The following PALM2AKAP2 variants were observed in gnomAD, a reference collection of about 807,000 sequenced individuals.
PALM2AKAP2 encodes PALM2 and AKAP2 fusion, also known as PALM2-AKAP2 fusion protein.
PALM2AKAP2 carries 37 observed loss-of-function variants against 71.5 expected under a neutral mutation model. That is an observed-to-expected ratio of 0.52 (90% CI 0.40 to 0.68). PALM2AKAP2 has a LOEUF of 0.68. PALM2AKAP2 is among the 30% of genes least tolerant of loss of function. The pLI is 0.00. For missense variants in PALM2AKAP2, 1,224 were observed against 1,191.8 expected (o/e 1.03, Z -0.40); for synonymous variants, 468 against 478.8 (o/e 0.98, Z 0.29).
chr9:110,104,030 GT>G (rs1835059002), intron 1 of PALM2AKAP2, among the ~76,000 whole-genome samples: 1 of 152,182 alleles, frequency 6.6e-6, no homozygotes, highest in South Asian at 2.1e-4. Flanking sequence ...CCAGTCAAGG[GT>G]TTGCCTCCAG....
chr9:109,711,963 T>C (rs758770846), intron 1 of PALM2AKAP2, among the ~76,000 whole-genome samples: 2 of 151,562 alleles, frequency 1.3e-5, no homozygotes, highest in Non-Finnish European at 2.9e-5. Context: ...GAGCTATCCT[T>C]GTGGCATGTG....
At chr9:109,944,746 C>T (rs577814790) in intron 6 of PALM2AKAP2, 1 of 152,084 alleles carries the variant, frequency 6.6e-6, no homozygotes, top group South Asian at 2.1e-4. Context: ...ACACAATGAA[C>T]AGTTTTTGAA....
chr9:110,037,783 G>A (rs963858530), intron 7 of PALM2AKAP2, among the ~76,000 whole-genome samples: 2 of 152,200 alleles, frequency 1.3e-5, no homozygotes, highest in African/African-American at 4.8e-5. Context: ...GTTTTGAGAG[G>A]AAATTAAGAA....
At chr9:109,684,299 T>G (rs1827778083) in intron 1 of PALM2AKAP2, among the ~76,000 whole-genome samples, 1 of 152,164 alleles carries the variant, frequency 6.6e-6, no homozygotes, top group Non-Finnish European at 1.5e-5. Flanking sequence ...GTGGTGCTCA[T>G]CTCTGGCTAT....
chr9:109,868,074 A>G (rs1299984700), intron 2 of PALM2AKAP2, among the ~76,000 whole-genome samples: 2 of 152,192 alleles, frequency 1.3e-5, no homozygotes, highest in Non-Finnish European at 1.5e-5. Context: ...TTATTCATTT[A>G]TTTTATTTGT....
intron 1 of PALM2AKAP2, among the ~76,000 whole-genome samples, chr9:109,801,927 GAGGGGTGA>G (rs1827441510): frequency 6.6e-6 from 1 of 152,196 alleles, no homozygotes; most frequent in Non-Finnish European, 1.5e-5. Context: ...GGACCATGGG[GAGGGGTGA>G]TCCCCCCAAA....
At chr9:110,011,780 G>A (rs560113684) in intron 6 of PALM2AKAP2, among the ~76,000 whole-genome samples, 46 of 152,126 alleles carry the variant, frequency 3.0e-4, no homozygotes, top group Admixed American at 8.5e-4. Context: ...GTCCTCCTTC[G>A]ACTCCACATT....
chr9:109,813,076 G>T lies in PALM2AKAP2; in HGVS notation c.45+32543G>T, dbSNP rs79386525. Among the ~76,000 whole-genome samples the T allele has an allele frequency of 4.4e-3, 665 of 152,352 alleles. 4 individuals carry two copies. Among genetic ancestry groups the T allele is most frequent in the African/African-American group, 0.015 (629 of 41,578 alleles). ...GATTTTTAAAAATGATTGCAGGTCT[G>T]CACAATTTAACAAGACTGCCCATAG... is the stretch of plus-strand genomic sequence containing the variant. On this transcript the variant is annotated intron_variant, in intron 1 of 9. Transcript: ENST00000302798.
chr9:110,153,797 T>C (rs1031991569), intron 2 of PALM2AKAP2, among the ~76,000 whole-genome samples: 6 of 152,222 alleles, frequency 3.9e-5, no homozygotes, highest in African/African-American at 1.2e-4. Context: ...TATAGCTTAA[T>C]TGAGAAGACA....
chr9:110,081,618 G>C lies in PALM2AKAP2; in HGVS notation c.156+32763G>C, dbSNP rs570867862. Among the ~76,000 whole-genome samples, 11 of 152,208 alleles carry C rather than the reference G, an allele frequency of 7.2e-5. No homozygotes were observed. The South Asian group carries it at 2.3e-3, about 32-fold the overall frequency. On this transcript the variant is annotated intron_variant, in intron 1 of 3. Transcript: ENST00000374525. ...GGGCTAAAAGAATTCTTAGAGGTGA[G>C]CCAGTCGAGGCCCCAGCACCCGCTT...
chr9:110,157,589 G>C (rs1836491114), intron 3 of PALM2AKAP2, among the ~76,000 whole-genome samples: 2 of 152,032 alleles, frequency 1.3e-5, no homozygotes, highest in South Asian at 4.2e-4. Flanking sequence ...TTGTAGAAAG[G>C]AGGTCTCATT....
intron 3 of PALM2AKAP2, among the ~76,000 whole-genome samples, chr9:109,884,962 GA>G (rs1422359485): frequency 1.3e-5 from 2 of 152,188 alleles, no homozygotes; most frequent in African/African-American, 4.8e-5. Flanking sequence ...TCATAACTCA[GA>G]ACTTCAAGTG....
rs563760217 is a variant in PALM2AKAP2, at chr9:109,747,452, T to A, written c.6-33036T>A. ...CTTGGGGTTCCTGTCTTGGCATTCA[T>A]GCAGAATTTGATATAAAATTATATA... is the stretch of plus-strand genomic sequence containing the variant. On this transcript the variant is annotated intron_variant, in intron 1 of 6. Transcript: ENST00000374531. Among the ~76,000 whole-genome samples, 212 of 152,316 alleles carry A rather than the reference T, an allele frequency of 1.4e-3. 1 individual carries two copies. Among genetic ancestry groups the A allele is most frequent in the African/African-American group, 4.8e-3 (200 of 41,580 alleles).
intron 3 of PALM2AKAP2, among the ~76,000 whole-genome samples, chr9:110,166,426 C>T (rs1032044796): frequency 2.0e-5 from 3 of 152,134 alleles, no homozygotes; most frequent in Non-Finnish European, 4.4e-5. Flanking sequence ...CAACAAAGGA[C>T]AAAACTGGAA....
At chr9:109,747,649 T>C (rs1828822473) in intron 1 of PALM2AKAP2, among the ~76,000 whole-genome samples, 1 of 152,150 alleles carries the variant, frequency 6.6e-6, no homozygotes, top group East Asian at 1.9e-4. Context: ...TTCTCATTTC[T>C]AAAATACTGT....
At chr9:109,936,402 T>A (rs969305109) in intron 6 of PALM2AKAP2, among the ~76,000 whole-genome samples, 1 of 152,256 alleles carries the variant, frequency 6.6e-6, no homozygotes, top group Non-Finnish European at 1.5e-5. Context: ...ATTAATTTCC[T>A]CATTTTTATT....
chr9:109,654,288 C>G (rs1385349758), intron 1 of PALM2AKAP2, among the ~76,000 whole-genome samples: 3 of 152,144 alleles, frequency 2.0e-5, no homozygotes, highest in Non-Finnish European at 4.4e-5. Flanking sequence ...GATCAATAAA[C>G]TCTGGGATCC....
intron 1 of PALM2AKAP2, among the ~76,000 whole-genome samples, chr9:110,073,427 T>C (rs1564290108): frequency 1.3e-5 from 2 of 152,176 alleles, no homozygotes. Flanking sequence ...GTGTTTTACA[T>C]GGACACTTGA....
intron 1 of PALM2AKAP2, among the ~76,000 whole-genome samples, chr9:109,659,201 A>T (rs1036139733): frequency 7.9e-5 from 12 of 152,232 alleles, no homozygotes; most frequent in African/African-American, 2.9e-4. Flanking sequence ...AACTAAGCAG[A>T]ATTTTTAAAC....
Sources: allele counts gnomAD v4.1 joint callset (sites outside exome capture counted in the v4.1 genomes callset), GRCh38; gene constraint gnomAD v4.1.1; transcripts MANE v1.5; gene names NCBI Gene and HGNC (gene_info 2026-07-23, HGNC 2026-07-21).